The following ARHGAP10 variants were observed in gnomAD, a reference collection of about 807,000 sequenced individuals.
The protein encoded by ARHGAP10 is rho GTPase-activating protein 10.
In ARHGAP10, 87 loss-of-function variants were observed where a neutral mutation model predicts 108.6. The observed-to-expected ratio is 0.80, with a 90% CI of 0.67 to 0.96. The LOEUF is 0.96. ARHGAP10 is among the 40% of genes least tolerant of loss of function. ARHGAP10 has a pLI of 0.00. For missense variants in ARHGAP10, 939 were observed against 954.5 expected (o/e 0.98, Z 0.21); for synonymous variants, 347 against 341.1 (o/e 1.02, Z -0.19).
intron 1 of ARHGAP10, among the ~76,000 whole-genome samples, chr4:147,816,565 A>G (rs1365946565): frequency 1.3e-5 from 2 of 152,210 alleles, no homozygotes; most frequent in Admixed American, 1.3e-4. Flanking sequence ...AGCCAGAGAC[A>G]ATGTTGGCCC....
intron 10 of ARHGAP10, among the ~76,000 whole-genome samples, chr4:147,883,222 T>A (rs1238304943): frequency 6.6e-6 from 1 of 152,162 alleles, no homozygotes; most frequent in East Asian, 1.9e-4. Flanking sequence ...AGGAAAAATA[T>A]GAAAGAGAAT....
intron 4 of ARHGAP10, among the ~76,000 whole-genome samples, chr4:147,848,428 C>T (rs535113824): frequency 2.6e-5 from 4 of 152,300 alleles, no homozygotes; most frequent in African/African-American, 4.8e-5. Context: ...AGCAGGAGAT[C>T]GGAGGTCAGC....
At chr4:148,013,864 T>C (rs1028010038) in intron 18 of ARHGAP10, among the ~76,000 whole-genome samples, 9 of 152,180 alleles carry the variant, frequency 5.9e-5, no homozygotes, top group Admixed American at 2.0e-4. Context: ...GAAGACTCTT[T>C]TTTATCAGGG....
At chr4:148,024,249 A>G (rs143398803) in intron 19 of ARHGAP10, among the ~76,000 whole-genome samples, 1 of 152,340 alleles carries the variant, frequency 6.6e-6, no homozygotes, top group East Asian at 1.9e-4. Context: ...CTTATTGAGA[A>G]CATTTGCTGA....
At chr4:148,013,881 C>A (rs1741255472) in intron 18 of ARHGAP10, among the ~76,000 whole-genome samples, 1 of 152,188 alleles carries the variant, frequency 6.6e-6, no homozygotes, top group Non-Finnish European at 1.5e-5. Flanking sequence ...AGGGTTCTCA[C>A]TAGCCCAGGA....
intron 20 of ARHGAP10, among the ~76,000 whole-genome samples, chr4:148,049,824 T>G (rs28593418): frequency 0.061 from 3,776 of 62,032 alleles, 120 homozygotes; most frequent in African/African-American, 0.14. Context: ...TTGTTTGTTT[T>G]TTTTGGGTGG....
chr4:147,891,301 G>A (rs1735786720), intron 10 of ARHGAP10, among the ~76,000 whole-genome samples: 1 of 152,140 alleles, frequency 6.6e-6, no homozygotes, highest in African/African-American at 2.4e-5. Context: ...ACATGCTACT[G>A]TATGAATGAC....
intron 18 of ARHGAP10, among the ~76,000 whole-genome samples, chr4:147,971,606 TG>T (rs1271394715): frequency 6.6e-6 from 1 of 152,134 alleles, no homozygotes; most frequent in African/African-American, 2.4e-5. Flanking sequence ...TGGGAGACCA[TG>T]TAATCAGAGA....
intron 10 of ARHGAP10, among the ~76,000 whole-genome samples, chr4:147,903,737 T>C (rs1237166662): frequency 6.6e-6 from 1 of 152,202 alleles, no homozygotes; most frequent in Non-Finnish European, 1.5e-5. Flanking sequence ...CTTCTTTCAC[T>C]GAGTAGCATA....
At chr4:147,906,587 T>C in intron 10 of ARHGAP10, 51 bp from the exon 11 acceptor site, 1 of 1,585,826 alleles carries the variant, frequency 6.3e-7, no homozygotes, top group Non-Finnish European at 8.6e-7. Flanking sequence ...TAGGAAAAAC[T>C]TGCCTTTTAG....
At chr4:148,028,474 A>G (rs1727982126) in intron 19 of ARHGAP10, among the ~76,000 whole-genome samples, 1 of 152,158 alleles carries the variant, frequency 6.6e-6, no homozygotes. Flanking sequence ...AGTATCTACC[A>G]CTGAGGATGG....
At position 147,914,017 on chromosome 4, in the gene ARHGAP10, G is replaced by T. The variant is rs1736857507; in HGVS notation, c.1228+878G>T. ...AAAATACAAAAATTAGCTGGGTGTG[G>T]TGCATGCATCTATAATCGCGGCTAC... On this transcript the variant is annotated intron_variant, in intron 13 of 22. Transcript: ENST00000336498. Among the ~76,000 whole-genome samples, 3 of 152,262 alleles carry T rather than the reference G, an allele frequency of 2.0e-5. 1 individual carries two copies. The South Asian group carries it at 6.2e-4, about 32-fold the overall frequency.
intron 13 of ARHGAP10, among the ~76,000 whole-genome samples, chr4:147,920,174 T>C (rs1737176881): frequency 6.6e-6 from 1 of 151,810 alleles, no homozygotes; most frequent in Non-Finnish European, 1.5e-5. Flanking sequence ...CCCAGCACTT[T>C]GGGAGGTCGA....
chr4:147,842,242 C>A (rs193244361), intron 3 of ARHGAP10, among the ~76,000 whole-genome samples: 102 of 152,196 alleles, frequency 6.7e-4, no homozygotes, highest in Admixed American at 1.6e-3. Flanking sequence ...GGCCGTGAAA[C>A]CCTTATATTC....
Position 147,886,847 on chromosome 4 carries a change from C to T in ARHGAP10, c.1034+4915C>T, listed in dbSNP as rs189546992. Among the ~76,000 whole-genome samples, 569 of 152,200 alleles carry T rather than the reference C, an allele frequency of 3.7e-3. 8 individuals are homozygous for T. The highest frequency in any genetic ancestry group is 0.028 in the East Asian group (145 of 5,168). ...GGGCAGTGGCACCATCTCTGCTCACCGCAACCTCCGCCTCCTGGGTTCAAG... is the reference window on the plus strand; with the variant it reads ...GGGCAGTGGCACCATCTCTGCTCACTGCAACCTCCGCCTCCTGGGTTCAAG... On this transcript the variant is annotated intron_variant, in intron 10 of 22. Transcript: ENST00000336498.
At chr4:147,855,460 C>G (rs989569385) in intron 4 of ARHGAP10, among the ~76,000 whole-genome samples, 14 of 151,872 alleles carry the variant, frequency 9.2e-5, no homozygotes, top group African/African-American at 3.4e-4. Flanking sequence ...TTAAAAAAAC[C>G]TAGAGCGTAA....
intron 18 of ARHGAP10, among the ~76,000 whole-genome samples, chr4:148,008,596 T>G (rs1012512242): frequency 1.3e-5 from 2 of 151,924 alleles, no homozygotes; most frequent in Admixed American, 1.3e-4. Flanking sequence ...CTAATAGTGC[T>G]GAGATTGAGA....
At chr4:147,929,035 T>C (rs1177857790) in intron 13 of ARHGAP10, among the ~76,000 whole-genome samples, 1 of 152,228 alleles carries the variant, frequency 6.6e-6, no homozygotes, top group Non-Finnish European at 1.5e-5. Context: ...TCAGTAACCT[T>C]AACTTGTAAT....
chr4:148,008,003 C>T (rs949951354), intron 18 of ARHGAP10, among the ~76,000 whole-genome samples: 116 of 152,284 alleles, frequency 7.6e-4, no homozygotes, highest in African/African-American at 2.6e-3. Context: ...TAGCATCTTC[C>T]TCCTTCTGGA....
Sources: gnomAD v4.1 joint callset for allele counts (sites outside exome capture counted in the v4.1 genomes callset) on GRCh38, gnomAD v4.1.1 for gene constraint, MANE v1.5 for transcripts, NCBI Gene and HGNC (gene_info 2026-07-23, HGNC 2026-07-21) for gene names.